The following EYA1 variants were observed in gnomAD, a reference collection of about 807,000 sequenced individuals.
The protein encoded by EYA1 is EYA transcriptional coactivator and phosphatase 1.
In EYA1, 16 loss-of-function variants were observed where a neutral mutation model predicts 82.0. The observed-to-expected ratio is 0.20, with a 90% CI of 0.13 to 0.30. The LOEUF is 0.30. Among genes scored for constraint, EYA1 ranks in the 10% least tolerant of loss-of-function variants. The pLI, the probability that EYA1 is intolerant of heterozygous loss-of-function variation, is 1.00. For synonymous variants in EYA1, 261 were observed against 264.4 expected (o/e 0.99, Z 0.12); for missense variants, 633 against 730.7 (o/e 0.87, Z 1.54).
intron 2 of EYA1, among the ~76,000 whole-genome samples, chr8:71,485,690 T>C (rs1810512262): frequency 6.6e-6 from 1 of 152,170 alleles, no homozygotes; most frequent in Non-Finnish European, 1.5e-5. Context: ...TATTGGGTAT[T>C]AAATGAAAAC....
At chr8:71,410,028 G>T (rs1375642698) in intron 2 of EYA1, among the ~76,000 whole-genome samples, 4 of 151,956 alleles carry the variant, frequency 2.6e-5, no homozygotes, top group African/African-American at 9.7e-5. Flanking sequence ...TATCCACCAT[G>T]ATCAAGTGGG....
intron 11 of EYA1, among the ~76,000 whole-genome samples, chr8:71,251,963 A>G (rs1442854400): frequency 1.3e-5 from 2 of 152,148 alleles, no homozygotes; most frequent in Non-Finnish European, 2.9e-5. Context: ...AGAGAGATTA[A>G]TGTCTGTCAG....
intron 2 of EYA1, among the ~76,000 whole-genome samples, chr8:71,440,607 A>T (rs564723260): frequency 1.6e-4 from 24 of 152,148 alleles, no homozygotes; most frequent in Non-Finnish European, 2.8e-4. Flanking sequence ...CAGGTTCAGA[A>T]CTACTGGGAT....
intron 2 of EYA1, among the ~76,000 whole-genome samples, chr8:71,392,052 G>GA (rs5892277): frequency 0.99 from 151,055 of 152,234 alleles, 74,998 homozygotes; most frequent in Middle Eastern, 1. Context: ...AAAGATTAAA[G>GA]AAGAGAAAGA....
Position 71,321,731 on chromosome 8 carries a change from C to T in EYA1, c.418+3G>A. 2 of 1,613,974 alleles carry T rather than the reference C, an allele frequency of 1.2e-6. No individual in the cohort carries two copies. The highest frequency in any genetic ancestry group is 2.7e-5 in the African/African-American group (2 of 75,062). ...GCCACCACTACAGTTGCAGGTTACT[C>T]ACCATATGAGGAAATGCCGTACGGC... On this transcript the variant is annotated splice_donor_region_variant and intron_variant, in intron 6 of 17. Transcript: ENST00000340726.
At chr8:71,481,589 T>C (rs1389261123) in intron 2 of EYA1, among the ~76,000 whole-genome samples, 1 of 152,188 alleles carries the variant, frequency 6.6e-6, no homozygotes, top group Non-Finnish European at 1.5e-5. Context: ...GAGATTGCTT[T>C]TGCTTTGTGG....
chr8:71,508,466 T>TA (rs1812358985), intron 2 of EYA1, among the ~76,000 whole-genome samples: 1 of 152,138 alleles, frequency 6.6e-6, no homozygotes, highest in Admixed American at 6.5e-5. Flanking sequence ...AAGGACACTG[T>TA]GTAGGGTTGC....
intron 1 of EYA1, among the ~76,000 whole-genome samples, chr8:71,358,660 C>A (rs1419118448): frequency 3.3e-5 from 5 of 152,132 alleles, no homozygotes; most frequent in African/African-American, 1.2e-4. Context: ...ACTTCACATG[C>A]TTTTAGTTTT....
intron 11 of EYA1, among the ~76,000 whole-genome samples, chr8:71,247,478 T>A (rs903753160): frequency 2.6e-5 from 4 of 152,114 alleles, no homozygotes; most frequent in African/African-American, 4.8e-5. Context: ...GTCTAAGAGT[T>A]CTGCTGGGAG....
At chr8:71,304,869 G>A (rs1347288257) in intron 7 of EYA1, among the ~76,000 whole-genome samples, 2 of 142,654 alleles carry the variant, frequency 1.4e-5, no homozygotes, top group East Asian at 2.1e-4. Flanking sequence ...TTTCACCGAA[G>A]TTTAGAACGC....
chr8:71,427,352 T>C (rs142830297), intron 2 of EYA1, among the ~76,000 whole-genome samples: 1 of 152,326 alleles, frequency 6.6e-6, no homozygotes, highest in African/African-American at 2.4e-5. Context: ...GTTGTAGTTT[T>C]GTTTTATGGG....
chr8:71,242,240 T>TA (rs1475044683), intron 12 of EYA1, among the ~76,000 whole-genome samples: 1 of 152,064 alleles, frequency 6.6e-6, no homozygotes, highest in East Asian at 1.9e-4. Flanking sequence ...TTGAAATAAG[T>TA]AAAAAACCAA....
intron 9 of EYA1, among the ~76,000 whole-genome samples, chr8:71,295,163 T>C (rs1382763118): frequency 1.3e-5 from 2 of 152,108 alleles, no homozygotes; most frequent in African/African-American, 4.8e-5. Flanking sequence ...AAAATCTAGA[T>C]GGCCTTGGTT....
Position 71,222,825 on chromosome 8 carries a change from G to A in EYA1, c.1141-5802C>T, listed in dbSNP as rs137878889. Among the ~76,000 whole-genome samples the A allele has an allele frequency of 5.0e-3, 757 of 152,280 alleles. 12 individuals are homozygous for A. The highest frequency in any genetic ancestry group is 6.6e-3 in the Non-Finnish European group (447 of 68,022). On this transcript the variant is annotated intron_variant, in intron 12 of 17. Transcript: ENST00000340726. ...CCCAGGCTCCTCAATTTCACACAGT[G>A]TAGACAACTGCTCCCTCTAGACACT...
intron 12 of EYA1, among the ~76,000 whole-genome samples, chr8:71,241,022 TG>T (rs1812421242): frequency 6.6e-6 from 1 of 152,196 alleles, no homozygotes; most frequent in Non-Finnish European, 1.5e-5. Context: ...AGAGTTTTTT[TG>T]TAAAATGATA....
At chr8:71,200,517 G>A (rs1806841830) in intron 17 of EYA1, among the ~76,000 whole-genome samples, 1 of 152,154 alleles carries the variant, frequency 6.6e-6, no homozygotes. Context: ...ATTCCAATAT[G>A]TAGACCTTTC....
Position 71,317,679 on chromosome 8 carries a change from C to G in EYA1, c.429G>C (p.Trp143Cys), listed in dbSNP as rs1822073183. ...PYGISSYGAL[W>C]AGIKTEGGLS... ...ATCCACCTTCAGTCTTGATGCCTGC[C>G]CACAATGCACCTAAATCAGTTAGTG... is the stretch of plus-strand genomic sequence containing the variant. The change falls in exon 7 of 18, where the codon TGG becomes TGC. Residue 143 changes from tryptophan to cysteine, a missense_variant. Transcript: ENST00000340726. 6.2e-7 allele frequency: 1 copy of G among 1,613,942 alleles called. No individual in the cohort carries two copies. The highest frequency in any genetic ancestry group is 8.5e-7 in the Non-Finnish European group (1 of 1,179,964).
At chr8:71,465,613 C>T (rs749866559) in intron 2 of EYA1, among the ~76,000 whole-genome samples, 1 of 152,068 alleles carries the variant, frequency 6.6e-6, no homozygotes, top group South Asian at 2.1e-4. Flanking sequence ...CAGAGCAAGA[C>T]TCCATTTCAA....
chr8:71,481,012 C>A (rs1810105591), intron 2 of EYA1, among the ~76,000 whole-genome samples: 1 of 151,812 alleles, frequency 6.6e-6, no homozygotes, highest in South Asian at 2.1e-4. Context: ...AGCTCTAATT[C>A]TATTATTAAA....
Sources: allele counts gnomAD v4.1 joint callset (sites outside exome capture counted in the v4.1 genomes callset), GRCh38; gene constraint gnomAD v4.1.1; transcripts MANE v1.5; gene names NCBI Gene and HGNC (gene_info 2026-07-23, HGNC 2026-07-21).